Variants in GALNT14 observed in about 807,000 individuals in gnomAD.
GALNT14 encodes the protein polypeptide N-acetylgalactosaminyltransferase 14.
A neutral mutation model predicts 77.5 loss-of-function variants in GALNT14; 60 were observed. The observed-to-expected ratio is 0.77, with a 90% CI of 0.63 to 0.96. The LOEUF is 0.96. GALNT14 is among the 40% of genes least tolerant of loss of function. GALNT14 has a pLI of 0.00. For missense variants in GALNT14, 710 were observed against 731.0 expected (o/e 0.97, Z 0.33); for synonymous variants, 280 against 281.7 (o/e 0.99, Z 0.06).
the GALNT14 span, among the ~76,000 whole-genome samples, chr2:30,902,834 G>A: frequency 6.6e-6 from 1 of 152,192 alleles, no homozygotes; most frequent in Non-Finnish European, 1.5e-5. Flanking sequence ...GAGGACAGAT[G>A]AGGACGATCC....
chr2:31,102,681 T>G (rs1308211486), intron 1 of GALNT14, among the ~76,000 whole-genome samples: 2 of 152,172 alleles, frequency 1.3e-5, no homozygotes, highest in Non-Finnish European at 2.9e-5. Flanking sequence ...CCTATGTTAA[T>G]TAGAGCTTCC....
the GALNT14 span, among the ~76,000 whole-genome samples, chr2:30,894,395 T>C: frequency 3.9e-5 from 6 of 152,238 alleles, no homozygotes; most frequent in African/African-American, 1.4e-4. Flanking sequence ...GAAGCTGCAG[T>C]TGGACTAGAG....
intron 1 of GALNT14, among the ~76,000 whole-genome samples, chr2:31,056,268 ATCT>A (rs1471864984): frequency 4.6e-5 from 7 of 152,214 alleles, no homozygotes. Context: ...GAAGGTGATC[ATCT>A]TCTGGTTTAC....
At chr2:31,037,813 G>A (rs541416559) in intron 1 of GALNT14, among the ~76,000 whole-genome samples, 3 of 151,966 alleles carry the variant, frequency 2.0e-5, no homozygotes, top group East Asian at 3.9e-4. Flanking sequence ...CTCTGTGTGT[G>A]TGTTGGAGCA....
chr2:31,010,244 T>C (rs1212522776), intron 1 of GALNT14, among the ~76,000 whole-genome samples: 2 of 152,116 alleles, frequency 1.3e-5, no homozygotes, highest in Non-Finnish European at 2.9e-5. Flanking sequence ...TGCCTCAGCC[T>C]CCCAAAGTGC....
intron 1 of GALNT14, among the ~76,000 whole-genome samples, chr2:31,117,215 C>T (rs1420618517): frequency 6.6e-6 from 1 of 152,078 alleles, no homozygotes; most frequent in Admixed American, 6.5e-5. Context: ...TTAAAAGTAT[C>T]AAAAATCCTA....
intron 2 of GALNT14, among the ~76,000 whole-genome samples, chr2:30,976,989 C>T (rs974156380): frequency 2.0e-5 from 3 of 152,048 alleles, no homozygotes; most frequent in Admixed American, 6.6e-5. Flanking sequence ...TGGTCTGGTT[C>T]CCCCCTACCA....
At chr2:31,030,405 T>G (rs1672334226) in intron 1 of GALNT14, among the ~76,000 whole-genome samples, 1 of 152,122 alleles carries the variant, frequency 6.6e-6, no homozygotes, top group African/African-American at 2.4e-5. Context: ...CAAAAGGAAC[T>G]TAATAGAGGC....
At chr2:31,087,162 G>A (rs533159624) in intron 1 of GALNT14, among the ~76,000 whole-genome samples, 2 of 152,276 alleles carry the variant, frequency 1.3e-5, no homozygotes, top group East Asian at 1.9e-4. Flanking sequence ...ATTCCAGGCA[G>A]AAGACACAAC....
intron 1 of GALNT14, among the ~76,000 whole-genome samples, chr2:31,062,976 T>C (rs1674700415): frequency 6.6e-6 from 1 of 152,252 alleles, no homozygotes; most frequent in African/African-American, 2.4e-5. Flanking sequence ...CTTTGTCAGA[T>C]GGATAGATTG....
intron 2 of GALNT14, among the ~76,000 whole-genome samples, chr2:30,971,372 G>A (rs1668345281): frequency 6.6e-6 from 1 of 152,076 alleles, no homozygotes. Flanking sequence ...GGGGCGGGGT[G>A]TGGGGGACAC....
chr2:31,120,000 C>T (rs1384625734), intron 1 of GALNT14, among the ~76,000 whole-genome samples: 3 of 123,410 alleles, frequency 2.4e-5, no homozygotes, highest in African/African-American at 5.3e-5. Context: ...ACTAAAAATA[C>T]AAAAAATTAG....
At position 30,932,127 on chromosome 2, in the gene GALNT14, G is replaced by T; in HGVS notation, c.999C>A (p.His333Gln). 6.4e-7 allele frequency: 1 copy of T among 1,573,534 alleles called. No homozygotes were observed. Among genetic ancestry groups the T allele is most frequent in the Non-Finnish European group, 8.6e-7 (1 of 1,159,382 alleles). ...CGTAGGGGTGCTTCTTCCGGAAGAC[G>T]TGCCCCACTCGGCTGCAGGGGACGA... ...LEIVPCSRVG[H>Q]VFRKKHPYVF... is the part of the protein sequence containing the mutation. Residue 333 changes from histidine (H) to glutamine (Q), a missense_variant, in exon 10 of 15, where the codon CAC (histidine) becomes CAA (glutamine). By Grantham distance (24) the His-to-Gln change is conservative (BLOSUM62 0). Transcript: ENST00000349752.
chr2:30,973,568 C>T lies in GALNT14; in HGVS notation c.300-7266G>A, dbSNP rs565156470. On this transcript the variant is annotated intron_variant, in intron 2 of 14. Transcript: ENST00000349752. Reference sequence around the variant, plus strand: ...CAGCTATGAGGAAAAATATAAAATGCCGAATCTGTGGCTGGCCCCTTGGTT... The same window carrying T: ...CAGCTATGAGGAAAAATATAAAATGTCGAATCTGTGGCTGGCCCCTTGGTT... 1.3e-4 allele frequency among the ~76,000 whole-genome samples: 20 copies of T among 152,266 alleles called. No homozygotes were observed. The South Asian group carries it at 3.7e-3, about 28-fold the overall frequency.
At chr2:30,945,736 G>A (rs763461500) in intron 7 of GALNT14, 47 bp downstream of exon 7, 2 of 1,466,774 alleles carry the variant, frequency 1.4e-6, no homozygotes, top group Non-Finnish European at 1.9e-6. Context: ...CAGTGACTGA[G>A]AGGAAAAGAA....
chr2:31,015,482 C>T (rs72791275), intron 1 of GALNT14, among the ~76,000 whole-genome samples: 103 of 152,106 alleles, frequency 6.8e-4, no homozygotes, highest in Middle Eastern at 3.4e-3. Flanking sequence ...AATCGATGGG[C>T]TAACAGTTGA....
chr2:31,081,727 G>A (rs1403130132), intron 1 of GALNT14, among the ~76,000 whole-genome samples: 1 of 152,106 alleles, frequency 6.6e-6, no homozygotes, highest in African/African-American at 2.4e-5. Context: ...AAAAATGCAT[G>A]GTATGTAACT....
intron 1 of GALNT14, among the ~76,000 whole-genome samples, chr2:31,084,432 T>G (rs1676310652): frequency 6.6e-6 from 1 of 152,214 alleles, no homozygotes; most frequent in Non-Finnish European, 1.5e-5. Context: ...AAGAGCCTTC[T>G]TTGGACCAGG....
At chr2:30,948,591 C>G (rs908925836) in intron 6 of GALNT14, among the ~76,000 whole-genome samples, 1 of 152,206 alleles carries the variant, frequency 6.6e-6, no homozygotes, top group Non-Finnish European at 1.5e-5. Flanking sequence ...TGTTGCCTCA[C>G]AACCTTGCTA....
Sources: allele counts gnomAD v4.1 joint callset (sites outside exome capture counted in the v4.1 genomes callset), GRCh38; gene constraint gnomAD v4.1.1; transcripts MANE v1.5; gene names NCBI Gene and HGNC (gene_info 2026-07-23, HGNC 2026-07-21).